PSTPIP1: variants seen among roughly 807,000 people sequenced by gnomAD.
The protein encoded by PSTPIP1 is proline-serine-threonine phosphatase interacting protein 1.
A neutral mutation model predicts 69.6 loss-of-function variants in PSTPIP1; 66 were observed. The ratio of observed to expected loss-of-function variants is 0.95; its 90% CI spans 0.78 to 1.16. The LOEUF (loss-of-function observed/expected upper bound fraction) is 1.16, where lower values mean the gene tolerates loss of function less well. Ranked by LOEUF, PSTPIP1 falls within the 50% of genes most tolerant of loss-of-function variation. The pLI is 0.00. For synonymous variants in PSTPIP1, 266 were observed against 222.7 expected (o/e 1.19, Z -1.73); for missense variants, 603 against 557.4 (o/e 1.08, Z -0.82).
chr15:77,032,813 G>T, intron 11 of PSTPIP1, 49 bp from the exon 12 acceptor site: 8 of 1,490,976 alleles, frequency 5.4e-6, no homozygotes, highest in Non-Finnish European at 7.3e-6. Context: ...GGCAGGGCCA[G>T]AATGGGGTGT....
Position 77,018,129 on chromosome 15 carries a change from C to T in PSTPIP1, c.37-19C>T. On this transcript the variant is annotated intron_variant, in intron 1 of 14. Coordinates refer to ENST00000558012, the MANE Select transcript of PSTPIP1 (RefSeq NM_003978.5). ...CGCCTGGTCGTGGCCCTCATGTGTC[C>T]TTCTGTCCTGTGTCACAGTGCAGGG... is the stretch of plus-strand genomic sequence containing the variant. The T allele has an allele frequency of 5.8e-6, 9 of 1,562,206 alleles. No homozygotes were observed. Among genetic ancestry groups the T allele is most frequent in the Non-Finnish European group, 7.8e-6 (9 of 1,153,834 alleles).
At chr15:77,011,042 G>A (rs2075924641) in intron 1 of PSTPIP1, among the ~76,000 whole-genome samples, 1 of 152,176 alleles carries the variant, frequency 6.6e-6, no homozygotes, top group Non-Finnish European at 1.5e-5. Context: ...AAGCAGGCGG[G>A]GAACTCAGGC....
chr15:77,020,430 C>T (rs1596090166), intron 3 of PSTPIP1, among the ~76,000 whole-genome samples: 2 of 152,094 alleles, frequency 1.3e-5, no homozygotes, highest in Admixed American at 1.3e-4. Flanking sequence ...GTTCACTGCA[C>T]ACAGTGGGGC....
intron 5 of PSTPIP1, among the ~76,000 whole-genome samples, chr15:77,026,608 T>G (rs2152684635): frequency 6.6e-6 from 1 of 152,302 alleles, no homozygotes; most frequent in East Asian, 1.9e-4. Context: ...CCCCTCAGTC[T>G]CCACAGACAG....
chr15:77,033,758 G>A (rs1382922611), intron 12 of PSTPIP1, among the ~76,000 whole-genome samples: 2 of 152,120 alleles, frequency 1.3e-5, no homozygotes, highest in Non-Finnish European at 2.9e-5. Flanking sequence ...GGCCTCAGGA[G>A]CCCCTGGAAC....
At chr15:76,996,495 G>A (rs749506717) in intron 1 of PSTPIP1, among the ~76,000 whole-genome samples, 7 of 152,214 alleles carry the variant, frequency 4.6e-5, no homozygotes, top group Non-Finnish European at 8.8e-5. Flanking sequence ...CTCCAACCCC[G>A]AAGAGGACGC....
At chr15:77,007,597 C>CT (rs78797703) in intron 1 of PSTPIP1, among the ~76,000 whole-genome samples, 3,824 of 141,234 alleles carry the variant, frequency 0.027, 148 homozygotes, top group African/African-American at 0.082. Context: ...CAACAGAACA[C>CT]TTTTTTTTTT....
chr15:77,029,043 C>T (rs979266025), intron 7 of PSTPIP1, among the ~76,000 whole-genome samples: 3 of 152,240 alleles, frequency 2.0e-5, no homozygotes, highest in Admixed American at 6.5e-5. Flanking sequence ...CAGGAAGCAG[C>T]AGAAAAGGGA....
intron 8 of PSTPIP1, 80 bp from the exon 9 acceptor site, chr15:77,030,422 C>T: frequency 7.0e-7 from 1 of 1,427,064 alleles, no homozygotes; most frequent in African/African-American, 1.4e-5. Flanking sequence ...TGGGAGGAGG[C>T]ATCCAGGATG....
intron 3 of PSTPIP1, among the ~76,000 whole-genome samples, chr15:77,024,739 TCCC>T (rs1270334432): frequency 8.0e-6 from 1 of 124,382 alleles, no homozygotes; most frequent in Non-Finnish European, 1.7e-5. Flanking sequence ...CCTCCCTCCC[TCCC>T]TCCCTCCCTC....
chr15:77,007,817 A>G, intron 1 of PSTPIP1: 1 of 436,122 alleles, frequency 2.3e-6, no homozygotes, highest in Non-Finnish European at 4.6e-6. Flanking sequence ...GATGGTCTCG[A>G]TCTCCTGACC....
In PSTPIP1 at chr15:77,037,081, C is replaced by T. The variant is rs765030211; in HGVS notation, c.1156C>T (p.Leu386=). Residue 386 remains leucine, a synonymous_variant, in exon 15 of 15, where the codon CTG becomes TTG. Transcript: ENST00000558012. The part of the protein sequence containing the change: ...DELDLSAGDI[L]EVILEGEDGW... ...GCTGGACCTGTCCGCGGGAGACATCCTGGAGGTGATCCTGGAAGGGGAGGA... is the reference window on the plus strand; with the variant it reads ...GCTGGACCTGTCCGCGGGAGACATCTTGGAGGTGATCCTGGAAGGGGAGGA... 14 of 1,612,348 alleles carry T rather than the reference C, an allele frequency of 8.7e-6. No homozygotes were observed. The highest frequency in any genetic ancestry group is 1.1e-5 in the South Asian group (1 of 91,086).
chr15:77,036,427 C>A (rs565626365), intron 14 of PSTPIP1, among the ~76,000 whole-genome samples: 2 of 152,134 alleles, frequency 1.3e-5, no homozygotes, highest in East Asian at 3.8e-4. Flanking sequence ...GTCTTGCTAT[C>A]GTGCCAGGAT....
chr15:77,028,369 C>G (rs72742453), intron 6 of PSTPIP1, 185 bp from the exon 7 acceptor site: 392 of 556,930 alleles, frequency 7.0e-4, no homozygotes, highest in Non-Finnish European at 1.2e-3. Context: ...GCAGGACTAC[C>G]AGCAGCCCCC....
Position 77,037,410 on chromosome 15 carries a change from A to G in PSTPIP1, c.*234A>G, listed in dbSNP as rs1047316093. ...CTCAGTTCAGAGGAGGCAAAGGAAC[A>G]AGGGAAGGAGCCTGGATGTGGAGCT... On this transcript the variant is annotated 3_prime_UTR_variant, in exon 15 of 15. Transcript: ENST00000558012. 6 of 453,146 alleles carry G rather than the reference A, an allele frequency of 1.3e-5. No homozygotes were observed. Among genetic ancestry groups the G allele is most frequent in the Non-Finnish European group, 1.9e-5 (5 of 258,502 alleles). The allele number at this position is 453,146 out of a possible 1,614,324, so 28.1% of individuals were successfully genotyped here. A position where few individuals can be genotyped will look rare whatever the true frequency, so the allele number is the denominator to read the frequency against.
intron 12 of PSTPIP1, 33 bp from the exon 13 acceptor site, chr15:77,035,475 G>A (rs2076537592): frequency 1.3e-6 from 2 of 1,569,660 alleles, no homozygotes. Flanking sequence ...GTGTGGGGCG[G>A]GGACACTCAC....
chr15:77,035,641 G>A lies in PSTPIP1; in HGVS notation c.985+78G>A, dbSNP rs1282595889. The A allele has an allele frequency of 2.7e-6, 4 of 1,495,070 alleles. No homozygotes were observed. In the Admixed American group the frequency reaches 7.9e-5, roughly 30 times the overall value. The allele number at this position is 1,495,070 out of a possible 1,614,324, so 92.6% of individuals were successfully genotyped here. A position where few individuals can be genotyped will look rare whatever the true frequency, so the allele number is the denominator to read the frequency against. ...GAGGTCTCCCACATGGCACAGATGGGGCCACTGAGGCCCTCAAGAGGAAGT... is the reference window on the plus strand; with the variant it reads ...GAGGTCTCCCACATGGCACAGATGGAGCCACTGAGGCCCTCAAGAGGAAGT... On this transcript the variant is annotated intron_variant, in intron 13 of 14. Coordinates refer to ENST00000558012, the MANE Select transcript of PSTPIP1 (RefSeq NM_003978.5).
chr15:77,032,496 C>T (rs774585049), intron 11 of PSTPIP1, 102 bp downstream of exon 11: 5 of 1,238,408 alleles, frequency 4.0e-6, no homozygotes, highest in South Asian at 2.6e-5. Context: ...GGGTAGCTCA[C>T]AGCTCCCTTC....
chr15:77,022,627 C>T (rs1387431982), intron 3 of PSTPIP1, among the ~76,000 whole-genome samples: 3 of 152,192 alleles, frequency 2.0e-5, no homozygotes, highest in African/African-American at 2.4e-5. Context: ...AAGATCAGAG[C>T]TCAAGGCTGT....
Sources: allele counts gnomAD v4.1 joint callset (sites outside exome capture counted in the v4.1 genomes callset), GRCh38; gene constraint gnomAD v4.1.1; transcripts MANE v1.5; gene names NCBI Gene and HGNC (gene_info 2026-07-23, HGNC 2026-07-21).